The following ATG2B variants were observed in gnomAD, a reference collection of about 807,000 sequenced individuals.
ATG2B encodes autophagy related 2B.
ATG2B carries 121 observed loss-of-function variants against 241.3 expected under a neutral mutation model. The ratio of observed to expected loss-of-function variants is 0.50; its 90% CI spans 0.43 to 0.58. The LOEUF is 0.58. ATG2B is among the 20% of genes least tolerant of loss of function. The pLI is 0.00. For synonymous variants in ATG2B, 858 were observed against 876.6 expected, an observed-to-expected ratio of 0.98 and a Z score of 0.37; for missense variants, 2,306 against 2,491.6, an observed-to-expected ratio of 0.93 and a Z score of 1.59.
intron 6 of ATG2B, among the ~76,000 whole-genome samples, chr14:96,335,937 C>A (rs1001256190): frequency 2.8e-4 from 43 of 152,042 alleles, no homozygotes; most frequent in African/African-American, 1.0e-3. Context: ...ATAAAAAGAA[C>A]AAAGTACTTA....
At position 96,289,234 on chromosome 14, in the gene ATG2B, T is replaced by C. The variant is rs1368485957; in HGVS notation, c.6006+422A>G. On this transcript the variant is annotated intron_variant, in intron 41 of 41. Transcript: ENST00000359933. This position sits in a 1 kb window ranked among gnomAD's most constrained non-coding sequence, Gnocchi z 4.3. ...CATAATAAAACTATATAAAAACATGTACAAAAAAATATGTTCCACGTTCAG... is the reference window on the plus strand; with the variant it reads ...CATAATAAAACTATATAAAAACATGCACAAAAAAATATGTTCCACGTTCAG... 1.3e-5 allele frequency among the ~76,000 whole-genome samples: 2 copies of C among 152,148 alleles called. No homozygotes were observed. The highest frequency in any genetic ancestry group is 2.9e-5 in the Non-Finnish European group (2 of 68,022).
chr14:96,287,679 T>C (rs140101982), intron 41 of ATG2B, among the ~76,000 whole-genome samples: 214 of 152,306 alleles, frequency 1.4e-3, no homozygotes, highest in Non-Finnish European at 2.2e-3. Flanking sequence ...ACTACCACCC[T>C]CGTAAGTGCC....
intron 36 of ATG2B, among the ~76,000 whole-genome samples, chr14:96,292,410 G>A (rs1256334315): frequency 6.6e-6 from 1 of 152,040 alleles, no homozygotes; most frequent in African/African-American, 2.4e-5. Flanking sequence ...CCTTTTCTCA[G>A]TTTATGAAAT....
intron 6 of ATG2B, among the ~76,000 whole-genome samples, chr14:96,340,084 A>G (rs1887973352): frequency 9.4e-6 from 1 of 105,984 alleles, no homozygotes. Flanking sequence ...TATGATATAT[A>G]TGAATATATG....
rs756597780 is a variant in ATG2B at position 96,294,952 on chromosome 14, T to C, written c.5426+8A>G. ...AACTTCATTTGTTATTAAAACTAAA[T>C]TAGTTACCTAAAAAACACAGGCTGA... On this transcript the variant is annotated splice_region_variant and intron_variant, in intron 36 of 41. Coordinates refer to ENST00000359933, the MANE Select transcript of ATG2B (RefSeq NM_018036.7). 3.7e-6 allele frequency: 6 copies of C among 1,611,328 alleles called. No individual in the cohort carries two copies.
chr14:96,285,623 T>C lies in ATG2B; in HGVS notation c.*132A>G. On this transcript the variant is annotated 3_prime_UTR_variant, in exon 42 of 42. Coordinates refer to ENST00000359933, the MANE Select transcript of ATG2B (RefSeq NM_018036.7). The surrounding 1 kb of genome is among the most constrained non-coding windows in gnomAD (Gnocchi z 4.2). The stretch of plus-strand genomic sequence containing the variant: ...GTTGCATGTTGTTTTGATGTTAAAT[T>C]ATTTAACTAAAAAATGCTTTTGTTC... 1 of 798,686 alleles carries C rather than the reference T, an allele frequency of 1.3e-6. No individual in the cohort carries two copies. The highest frequency in any genetic ancestry group is 1.8e-5 in the South Asian group (1 of 54,556). The allele number at this position is 798,686 out of a possible 1,614,324, so 49.5% of individuals were successfully genotyped here.
chr14:96,334,508 G>T lies in ATG2B; in HGVS notation c.925-7C>A. 6.5e-7 allele frequency: 1 copy of T among 1,539,786 alleles called. No homozygotes were observed. Among genetic ancestry groups the T allele is most frequent in the Non-Finnish European group, 8.8e-7 (1 of 1,134,298 alleles). On this transcript the variant is annotated splice_region_variant and splice_polypyrimidine_tract_variant and intron_variant, in intron 6 of 41. Coordinates refer to ENST00000359933, the MANE Select transcript of ATG2B (RefSeq NM_018036.7). ...TCTGTCCATCAACATCCAACTTAAG[G>T]GAAAAAAAAAAACTATTCATGAGGA...
intron 25 of ATG2B, 24 bp from the exon 26 acceptor site, chr14:96,312,183 A>G (rs766325607): frequency 1.3e-6 from 2 of 1,569,010 alleles, no homozygotes; most frequent in Admixed American, 3.8e-5. Context: ...GATAAAACCA[A>G]CATCTGAAAA....
At chr14:96,361,351 G>C (rs910695676) in intron 1 of ATG2B, among the ~76,000 whole-genome samples, 10 of 152,162 alleles carry the variant, frequency 6.6e-5, no homozygotes, top group African/African-American at 2.4e-4. Flanking sequence ...ATACTTGCTA[G>C]ATGTGTGATG....
At chr14:96,311,082 G>T in intron 28 of ATG2B, 35 bp downstream of exon 28, 1 of 1,554,316 alleles carries the variant, frequency 6.4e-7, no homozygotes, top group South Asian at 1.2e-5. Context: ...GTCACGACAT[G>T]GCAGGGACTG....
rs1430377384 is a variant in ATG2B, at chr14:96,286,555, A to G, written c.6007-570T>C. Among the ~76,000 whole-genome samples, 4 of 152,302 alleles carry G rather than the reference A, an allele frequency of 2.6e-5. No homozygotes were observed. The East Asian group carries it at 7.7e-4, about 29-fold the overall frequency. On this transcript the variant is annotated intron_variant, in intron 41 of 41. Coordinates refer to ENST00000359933, the MANE Select transcript of ATG2B (RefSeq NM_018036.7). ...TAATTCTCAACAAAACTTTAGTAGC[A>G]TTTTCCATCTTTCTCACAACATAAT... is the stretch of plus-strand genomic sequence containing the variant.
chr14:96,304,601 C>G lies in ATG2B; in HGVS notation c.4736G>C (p.Ser1579Thr). 1 of 1,451,988 alleles carries G rather than the reference C, an allele frequency of 6.9e-7. No homozygotes were observed. The highest frequency in any genetic ancestry group is 9.4e-7 in the Non-Finnish European group (1 of 1,062,100). The allele number at this position is 1,451,988 out of a possible 1,614,324, so 89.9% of individuals were successfully genotyped here. The change falls in exon 32 of 42, where the codon AGT (serine) becomes ACT (threonine). Residue 1579 changes from serine (S) to threonine (T), a missense_variant and splice_region_variant. Coordinates refer to ENST00000359933, the MANE Select transcript of ATG2B (RefSeq NM_018036.7). ...TGTGTGAGAAGGCGAACTGTGGGGA[C>G]TACTAAAAATGAGCAAAAAAAAAAA... is the stretch of plus-strand genomic sequence containing the variant. ...PPTSPAKSYI[S>T]PHSSPSHTPT... is the part of the protein sequence containing the mutation.
intron 36 of ATG2B, among the ~76,000 whole-genome samples, chr14:96,293,483 T>G (rs1332815164): frequency 6.6e-6 from 1 of 152,346 alleles, no homozygotes; most frequent in African/African-American, 2.4e-5. Flanking sequence ...GGCATACAGT[T>G]AAGTGCTCAG....
chr14:96,328,179 A>G (rs929930446), intron 14 of ATG2B, among the ~76,000 whole-genome samples, 168 bp downstream of exon 14: 3 of 152,184 alleles, frequency 2.0e-5, no homozygotes, highest in African/African-American at 7.2e-5. Flanking sequence ...TTATTTAGCT[A>G]GTCTACTATC....
chr14:96,317,948 A>G (rs1029059770), intron 18 of ATG2B, 93 bp from the exon 19 acceptor site: 3 of 980,298 alleles, frequency 3.1e-6, no homozygotes, highest in Non-Finnish European at 4.4e-6. Flanking sequence ...TCGTATGAAC[A>G]ATAATTTTTT....
intron 14 of ATG2B, among the ~76,000 whole-genome samples, chr14:96,327,213 G>T (rs1235999805): frequency 7.3e-6 from 1 of 136,888 alleles, no homozygotes; most frequent in Non-Finnish European, 1.5e-5. Flanking sequence ...TGCGGTCTGG[G>T]CAACAGATGT....
intron 24 of ATG2B, 24 bp from the exon 25 acceptor site, chr14:96,313,181 A>T (rs375713723): frequency 2.4e-5 from 37 of 1,560,518 alleles, no homozygotes; most frequent in Middle Eastern, 3.4e-4. Flanking sequence ...GAAACAAAAG[A>T]ACATCAGTTT....
chr14:96,314,166 C>T (rs546840180), intron 23 of ATG2B, among the ~76,000 whole-genome samples: 1 of 152,294 alleles, frequency 6.6e-6, no homozygotes, highest in Admixed American at 6.5e-5. Context: ...GACAGATATT[C>T]TCATGTTTCC....
rs1012670855 is a variant in ATG2B at position 96,363,185 on chromosome 14, C to T, written c.-209G>A. On this transcript the variant is annotated 5_prime_UTR_variant, in exon 1 of 42. Transcript: ENST00000359933. Reference sequence around the variant, plus strand: ...GGCGGAGGCAAGACGCAGAGGGGTCCTCCTGGCCCCAGGCCAGGGGACTTC... The same window carrying T: ...GGCGGAGGCAAGACGCAGAGGGGTCTTCCTGGCCCCAGGCCAGGGGACTTC... 1.8e-6 allele frequency: 1 copy of T among 564,030 alleles called. No homozygotes were observed. Among genetic ancestry groups the T allele is most frequent in the Non-Finnish European group, 3.1e-6 (1 of 318,868 alleles). 34.9% of individuals were successfully genotyped at this position (564,030 alleles called of 1,614,324 possible).
Sources: allele counts gnomAD v4.1 joint callset (sites outside exome capture counted in the v4.1 genomes callset), GRCh38; gene constraint gnomAD v4.1.1; non-coding constraint Gnocchi (gnomAD v3.1); transcripts MANE v1.5; gene names NCBI Gene and HGNC (gene_info 2026-07-23, HGNC 2026-07-21).